The following B3GALT5 variants were observed in gnomAD, a reference collection of about 807,000 sequenced individuals.
B3GALT5 encodes the protein UDP-Gal:betaGlcNAc beta 1,3-galactosyltransferase, polypeptide 5.
For missense variants in B3GALT5, 328 were observed against 396.6 expected (o/e 0.83, Z 1.47); for synonymous variants, 156 against 158.6 (o/e 0.98, Z 0.12).
chr21:39,645,953 G>A (rs931256087), intron 1 of B3GALT5, among the ~76,000 whole-genome samples: 1 of 150,518 alleles, frequency 6.6e-6, no homozygotes, highest in Admixed American at 6.6e-5. Context: ...TCCCGCAGCC[G>A]CCCTCTGCCT....
In B3GALT5 at chr21:39,662,541, C is replaced by G. The variant is rs915330557; in HGVS notation, c.*1049C>G. On this transcript the variant is annotated 3_prime_UTR_variant, in exon 4 of 4. Coordinates refer to ENST00000684187, the MANE Select transcript of B3GALT5 (RefSeq NM_001356336.2). ...AGCCCTAAAGTGGGCCCTGGTGAAG[C>G]AGGGTGGTCCTGCGTCCACTTCCCA... is the stretch of plus-strand genomic sequence containing the variant. 1 of 167,162 alleles carries G rather than the reference C, an allele frequency of 6.0e-6. No homozygotes were observed. Among genetic ancestry groups the G allele is most frequent in the African/African-American group, 2.4e-5 (1 of 41,468 alleles). 10.4% of individuals were successfully genotyped at this position (167,162 alleles called of 1,614,324 possible).
intron 1 of B3GALT5, among the ~76,000 whole-genome samples, chr21:39,619,752 G>A (rs1355946291): frequency 2.6e-5 from 4 of 151,954 alleles, no homozygotes; most frequent in Admixed American, 6.6e-5. Flanking sequence ...AATATGTCTT[G>A]GTCTGGGAAG....
intron 1 of B3GALT5, among the ~76,000 whole-genome samples, chr21:39,641,301 C>T (rs2079288077): frequency 1.3e-5 from 2 of 152,092 alleles, no homozygotes; most frequent in African/African-American, 4.8e-5. Context: ...CCTGGGATTT[C>T]CACAGTTAAA....
At position 39,671,996 on chromosome 21, in the gene B3GALT5, A is replaced by G. The variant is rs1394432370; in HGVS notation, c.*10504A>G. ...AAAAAATTAGTTTTTAATTAATTTA[A>G]AAAATGATCTTCCTACTTATCAGAC... On this transcript the variant is annotated 3_prime_UTR_variant, in exon 4 of 4. Transcript: ENST00000684187. 1 of 152,274 alleles carries G rather than the reference A, an allele frequency of 6.6e-6. No homozygotes were observed. The highest frequency in any genetic ancestry group is 1.9e-4 in the East Asian group (1 of 5,202). 9.4% of individuals were successfully genotyped at this position (152,274 alleles called of 1,614,324 possible). A position where few individuals can be genotyped will look rare whatever the true frequency, so the allele number is the denominator to read the frequency against.
rs780218357 is a variant in B3GALT5 at position 39,661,627 on chromosome 21, T to C, written c.*135T>C. The C allele has an allele frequency of 5.7e-6, 5 of 869,734 alleles. No individual in the cohort carries two copies. Among genetic ancestry groups the C allele is most frequent in the Non-Finnish European group, 8.2e-6 (5 of 606,778 alleles). The allele number at this position is 869,734 out of a possible 1,614,324, so 53.9% of individuals were successfully genotyped here. ...ATCCACGCCAGAATGTCGGTGTTCA[T>C]GAAGTCACTGATTAGTTCCCACTTG... is the stretch of plus-strand genomic sequence containing the variant. On this transcript the variant is annotated 3_prime_UTR_variant, in exon 4 of 4. Transcript: ENST00000684187. The surrounding 1 kb of genome is among the most constrained non-coding windows in gnomAD (Gnocchi z 4.7).
At chr21:39,637,787 T>G (rs1000052312) in intron 1 of B3GALT5, among the ~76,000 whole-genome samples, 1 of 152,238 alleles carries the variant, frequency 6.6e-6, no homozygotes, top group Non-Finnish European at 1.5e-5. Flanking sequence ...TTGACAAGTC[T>G]TCTCTTAAGG....
intron 1 of B3GALT5, among the ~76,000 whole-genome samples, chr21:39,629,238 C>T (rs1986410408): frequency 6.6e-6 from 1 of 152,228 alleles, no homozygotes; most frequent in Non-Finnish European, 1.5e-5. Flanking sequence ...TGGTCTCGAA[C>T]TCCTGATCTT....
chr21:39,648,016 T>A (rs1569216076), intron 2 of B3GALT5, among the ~76,000 whole-genome samples: 1 of 152,182 alleles, frequency 6.6e-6, no homozygotes, highest in Non-Finnish European at 1.5e-5. Context: ...GGTATTAATT[T>A]GTTTAGTTTA....
At chr21:39,633,572 A>T (rs1199743712) in intron 1 of B3GALT5, among the ~76,000 whole-genome samples, 1 of 152,108 alleles carries the variant, frequency 6.6e-6, no homozygotes, top group Non-Finnish European at 1.5e-5. Flanking sequence ...CATCTCCTAA[A>T]CTCTTTCTTT....
At chr21:39,646,012 C>T (rs371773831) in intron 1 of B3GALT5, among the ~76,000 whole-genome samples, 30 of 150,806 alleles carry the variant, frequency 2.0e-4, no homozygotes, top group Admixed American at 3.3e-4. Flanking sequence ...TCCCCTTGCA[C>T]GGCTGGAGTA....
At chr21:39,638,607 CCGG>C (rs2079246661) in intron 1 of B3GALT5, among the ~76,000 whole-genome samples, 4 of 152,210 alleles carry the variant, frequency 2.6e-5, no homozygotes, top group African/African-American at 9.7e-5. Context: ...GGCAAGAACC[CCGG>C]GATACAGAAA....
At chr21:39,657,042 A>G (rs997723495) in intron 2 of B3GALT5, among the ~76,000 whole-genome samples, 2 of 152,176 alleles carry the variant, frequency 1.3e-5, no homozygotes, top group Non-Finnish European at 2.9e-5. Context: ...TGCAGCAGGC[A>G]GAGGCAGAGG....
chr21:39,644,796 GA>G (rs928058987), intron 1 of B3GALT5, among the ~76,000 whole-genome samples: 4 of 152,138 alleles, frequency 2.6e-5, no homozygotes, highest in Non-Finnish European at 5.9e-5. Flanking sequence ...GGTTGGGAGA[GA>G]AAAAATGATT....
chr21:39,626,230 A>C (rs896598938), intron 1 of B3GALT5, among the ~76,000 whole-genome samples: 4 of 152,188 alleles, frequency 2.6e-5, no homozygotes, highest in Non-Finnish European at 4.4e-5. Context: ...TTCAAGGTTC[A>C]TCCATGTTGG....
In B3GALT5 at chr21:39,665,399, C is replaced by G. The variant is rs1317391278; in HGVS notation, c.*3907C>G. The G allele has an allele frequency of 6.6e-6, 1 of 152,258 alleles. No individual in the cohort carries two copies. Among genetic ancestry groups the G allele is most frequent in the Non-Finnish European group, 1.5e-5 (1 of 68,086 alleles). 9.4% of individuals were successfully genotyped at this position (152,258 alleles called of 1,614,324 possible). ...TCTTCCCAGCAGCATCCAGAGTGAT[C>G]CTTTGAAAATCTCATTTCTCTGCTC... On this transcript the variant is annotated 3_prime_UTR_variant, in exon 4 of 4. Transcript: ENST00000684187.
chr21:39,638,777 C>T (rs549574972), intron 1 of B3GALT5, among the ~76,000 whole-genome samples: 1 of 152,188 alleles, frequency 6.6e-6, no homozygotes, highest in Non-Finnish European at 1.5e-5. Context: ...AGCCCCACAG[C>T]CTGCCCGTCT....
rs908368462 is a variant in B3GALT5 at position 39,662,361 on chromosome 21, A to G, written c.*869A>G. ...CCCAACTGTCCCTTGTTTTTGATCA[A>G]TGGGGACCAGCCACTGCCCCAGGAG... is the stretch of plus-strand genomic sequence containing the variant. On this transcript the variant is annotated 3_prime_UTR_variant, in exon 4 of 4. Transcript: ENST00000684187. The G allele has an allele frequency of 1.8e-5, 3 of 167,072 alleles. No homozygotes were observed. The highest frequency in any genetic ancestry group is 4.4e-5 in the Non-Finnish European group (3 of 68,144). The allele number at this position is 167,072 out of a possible 1,614,324, so 10.3% of individuals were successfully genotyped here.
chr21:39,628,449 C>T (rs1033061708), intron 1 of B3GALT5, among the ~76,000 whole-genome samples: 1 of 152,352 alleles, frequency 6.6e-6, no homozygotes, highest in African/African-American at 2.4e-5. Context: ...CTCTCTACAT[C>T]CGTGTGCACA....
intron 1 of B3GALT5, among the ~76,000 whole-genome samples, chr21:39,634,145 T>A (rs2079210127): frequency 6.6e-6 from 1 of 152,216 alleles, no homozygotes; most frequent in Admixed American, 6.5e-5. Flanking sequence ...TGTTTTCTTT[T>A]CAACGTCGGG....
Sources: allele counts gnomAD v4.1 joint callset (sites outside exome capture counted in the v4.1 genomes callset), GRCh38; gene constraint gnomAD v4.1.1; non-coding constraint Gnocchi (gnomAD v3.1); transcripts MANE v1.5; gene names NCBI Gene and HGNC (gene_info 2026-07-23, HGNC 2026-07-21).